Variants in KLK4 observed in about 807,000 individuals in gnomAD.
The protein encoded by KLK4 is kallikrein-4.
Under a neutral mutation model 24.3 loss-of-function variants are expected in KLK4, and 24 were observed. That is an observed-to-expected ratio of 0.99 (90% CI 0.72 to 1.39). KLK4 has a LOEUF of 1.39. KLK4 is among the 40% of genes most tolerant of loss of function. KLK4 has a pLI of 0.00. For synonymous variants in KLK4, 142 were observed against 138.8 expected (o/e 1.02, Z -0.16); for missense variants, 344 against 327.4 (o/e 1.05, Z -0.39).
intron 2 of KLK4, 101 bp from the exon 3 acceptor site, chr19:50,909,515 G>T: frequency 7.9e-7 from 1 of 1,265,722 alleles, no homozygotes; most frequent in South Asian, 1.2e-5. Context: ...TTCAGGAGCA[G>T]TCAGGGCTCC....
intron 5 of KLK4, among the ~76,000 whole-genome samples, chr19:50,907,551 C>T (rs1421390296): frequency 2.0e-5 from 3 of 152,012 alleles, no homozygotes; most frequent in Non-Finnish European, 2.9e-5. Context: ...GGATTACAGG[C>T]GCCTGCCACC....
intron 5 of KLK4, among the ~76,000 whole-genome samples, 162 bp from the exon 6 acceptor site, chr19:50,907,248 T>C (rs1206617275): frequency 6.6e-6 from 1 of 152,220 alleles, no homozygotes; most frequent in African/African-American, 2.4e-5. Context: ...TCCAGATCCC[T>C]GACTTCATCT....
In KLK4 at chr19:50,910,805, C is replaced by T; in HGVS notation, c.-11-56G>A. The T allele has an allele frequency of 7.1e-7, 1 of 1,414,792 alleles. No individual in the cohort carries two copies. Among genetic ancestry groups the T allele is most frequent in the Non-Finnish European group, 9.8e-7 (1 of 1,022,766 alleles). The allele number at this position is 1,414,792 out of a possible 1,614,324, so 87.6% of individuals were successfully genotyped here. A position where few individuals can be genotyped will look rare whatever the true frequency, so the allele number is the denominator to read the frequency against. ...CTGGGGATCTTCAGCCCAAGTCTCT[C>T]CATCCCTCTCTTTGTCCCTCCCTTT... is the stretch of plus-strand genomic sequence containing the variant. On this transcript the variant is annotated intron_variant, in intron 1 of 5. Coordinates refer to ENST00000324041, the Ensembl canonical transcript of KLK4. This position sits in a 1 kb window ranked among gnomAD's most constrained non-coding sequence, Gnocchi z 4.4.
exon 1 of KLK4, among the ~76,000 whole-genome samples, chr19:50,911,371 T>C (rs926325711): frequency 3.3e-5 from 5 of 152,248 alleles, no homozygotes; most frequent in African/African-American, 1.2e-4. Context: ...ATTCCACTGC[T>C]GGGCTGAGCT....
At chr19:50,909,436 G>A in intron 2 of KLK4, 22 bp from the exon 3 acceptor site, 1 of 1,613,418 alleles carries the variant, frequency 6.2e-7, no homozygotes, top group Non-Finnish European at 8.5e-7. Context: ...GTCAGGGATG[G>A]GATCGGGACC....
At chr19:50,908,163 TTC>T (rs1165494185) in intron 5 of KLK4, 194 bp downstream of exon 5, 2 of 684,800 alleles carry the variant, frequency 2.9e-6, no homozygotes, top group Non-Finnish European at 4.9e-6. Context: ...CCATGTCTGT[TTC>T]TGTTTCTCTC....
intron 5 of KLK4, among the ~76,000 whole-genome samples, chr19:50,907,558 C>T (rs1368229172): frequency 6.6e-6 from 1 of 152,150 alleles, no homozygotes; most frequent in East Asian, 1.9e-4. Flanking sequence ...AGGCGCCTGC[C>T]ACCATATCCA....
rs144350395 is a variant in KLK4, at chr19:50,907,019, G to C, written c.680C>G (p.Pro227Arg). 5.0e-6 allele frequency: 8 copies of C among 1,614,030 alleles called. 1 individual carries two copies. In the African/African-American group the frequency reaches 9.3e-5, roughly 19 times the overall value. ...ACCTGGCACGCCAACTTGGCCACAC[G>C]GGGCTTTTCCGAAAGACACAAGGCC... The change falls in exon 6 of 6, where the codon CCG becomes CGG. Residue 227 changes from proline (P) to arginine (R), a missense_variant. Pro to Arg is a moderately radical substitution (Grantham distance 103). Coordinates refer to ENST00000324041, the Ensembl canonical transcript of KLK4.
chr19:50,907,806 C>T (rs538030234), intron 5 of KLK4, among the ~76,000 whole-genome samples: 43 of 152,210 alleles, frequency 2.8e-4, no homozygotes, highest in Non-Finnish European at 5.4e-4. Flanking sequence ...CTTGAACAAC[C>T]CTGGTTTGAA....
chr19:50,907,370 T>C (rs1161752781), intron 5 of KLK4, among the ~76,000 whole-genome samples: 1 of 151,932 alleles, frequency 6.6e-6, no homozygotes, highest in African/African-American at 2.4e-5. Flanking sequence ...GGCTTGTTTA[T>C]CTGTCTCAGT....
intron 2 of KLK4, among the ~76,000 whole-genome samples, chr19:50,909,704 G>A (rs2090470166): frequency 6.6e-6 from 1 of 151,776 alleles, no homozygotes. Context: ...GTGGGGTTAT[G>A]GTGCAGGGGT....
chr19:50,907,061 C>T, exon 6 of KLK4: 1 of 1,614,152 alleles, frequency 6.2e-7, no homozygotes, highest in South Asian at 1.1e-5. Context: ...GTACCCGTTG[C>T]AGATCAGGGG....
At chr19:50,909,141 T>G in intron 3 of KLK4, 111 bp downstream of exon 3, 1 of 1,591,500 alleles carries the variant, frequency 6.3e-7, no homozygotes, top group South Asian at 1.1e-5. Flanking sequence ...CATTCCGTCC[T>G]CCTCCCAGAG....
chr19:50,909,058 GAC>G, intron 3 of KLK4, 192 bp downstream of exon 3: 1 of 1,478,776 alleles, frequency 6.8e-7, no homozygotes, highest in Non-Finnish European at 8.9e-7. Flanking sequence ...TTCAAGTCAG[GAC>G]TCTCTGAGTC....
chr19:50,909,275 C>A, exon 3 of KLK4: 2 of 1,614,192 alleles, frequency 1.2e-6, no homozygotes, highest in Non-Finnish European at 1.7e-6. Context: ...GTGCGGCTGA[C>A]AGCACCCACT....
chr19:50,910,769 CTT>C lies in KLK4; in HGVS notation c.-11-22_-11-21del. On this transcript the variant is annotated intron_variant, in intron 1 of 5. Coordinates refer to ENST00000324041, the Ensembl canonical transcript of KLK4. This position sits in a 1 kb window ranked among gnomAD's most constrained non-coding sequence, Gnocchi z 4.4. Reference sequence around the variant, plus strand: ...CAGCACCTGGGGATGAGGACTGAGACTTAGCCGTGTCTGGGGATCTTCAGCCC... The same window carrying C: ...CAGCACCTGGGGATGAGGACTGAGACAGCCGTGTCTGGGGATCTTCAGCCC... The C allele has an allele frequency of 6.5e-7, 1 of 1,545,720 alleles. No homozygotes were observed. Among genetic ancestry groups the C allele is most frequent in the South Asian group, 1.2e-5 (1 of 83,924 alleles).
intron 3 of KLK4, 101 bp from the exon 4 acceptor site, chr19:50,908,930 C>T: frequency 1.3e-6 from 2 of 1,553,820 alleles, no homozygotes; most frequent in East Asian, 2.4e-5. Flanking sequence ...ACCCCAACCC[C>T]ACCCTCTTCG....
rs529400471 is a variant in KLK4 at position 50,908,801 on chromosome 19, T to C, written c.253A>G (p.Ser85Gly). 98 of 1,613,058 alleles carry C rather than the reference T, an allele frequency of 6.1e-5. No individual in the cohort carries two copies. Among genetic ancestry groups the C allele is most frequent in the South Asian group, 4.9e-4 (45 of 91,062 alleles). ...CCTGGCTCTTGGTCGGCCTCAAGACTGTGCAGGCCCAGCCCGATGGTGTAG... is the reference window on the plus strand; with the variant it reads ...CCTGGCTCTTGGTCGGCCTCAAGACCGTGCAGGCCCAGCCCGATGGTGTAG... Residue 85 changes from serine (S) to glycine (G), a missense_variant, in exon 4 of 6, where the codon AGT becomes GGT. Physicochemically the swap from Ser to Gly is moderately conservative, Grantham distance 56. Transcript: ENST00000324041.
intron 2 of KLK4, among the ~76,000 whole-genome samples, chr19:50,909,670 G>A (rs2090469629): frequency 6.6e-6 from 1 of 151,778 alleles, no homozygotes; most frequent in South Asian, 2.1e-4. Flanking sequence ...GCGGGCCCAG[G>A]GGGCGGACCC....
Sources: gnomAD v4.1 joint callset for allele counts (sites outside exome capture counted in the v4.1 genomes callset) on GRCh38, gnomAD v4.1.1 for gene constraint, Gnocchi (gnomAD v3.1) non-coding constraint, MANE v1.5 for transcripts, NCBI Gene and HGNC (gene_info 2026-07-23, HGNC 2026-07-21) for gene names.